The following POTEJ variants were observed in gnomAD, a reference collection of about 807,000 sequenced individuals.
POTEJ encodes the protein POTE ankyrin domain family member J, also known as POTE ankyrin domain family, member J.
Under a neutral mutation model 69.0 loss-of-function variants are expected in POTEJ, and 11 were observed. The ratio of observed to expected loss-of-function variants is 0.16; its 90% CI spans 0.10 to 0.26. POTEJ has a LOEUF of 0.26. POTEJ is among the 10% of genes least tolerant of loss of function. POTEJ has a pLI of 1.00. For synonymous variants in POTEJ, 117 were observed against 381.1 expected (o/e 0.31, Z 8.07); for missense variants, 327 against 1,045.5 (o/e 0.31, Z 9.48).
rs1290395169 is a variant in POTEJ at position 130,657,440 on chromosome 2, G to A, written c.2680G>A (p.Ala894Thr). 4 of 1,599,098 alleles carry A rather than the reference G, an allele frequency of 2.5e-6. No homozygotes were observed. The highest frequency in any genetic ancestry group is 3.4e-6 in the Non-Finnish European group (4 of 1,171,394). The change falls in exon 15 of 15, where the codon GCC (alanine) becomes ACC (threonine). Residue 894 changes from alanine to threonine, a missense_variant. Physicochemically the swap from Ala to Thr is moderately conservative, Grantham distance 58. Transcript: ENST00000409602. ...CTTCGAGCAGGAGATGGCCATGGTG[G>A]CCTCCAGCTCCTCCCTAGAGAAGAG... ...LDFEQEMAMV[A>T]SSSSLEKSYE...
chr2:130,625,106 TA>T (rs1685655465), intron 6 of POTEJ, among the ~76,000 whole-genome samples: 2 of 152,182 alleles, frequency 1.3e-5, no homozygotes, highest in Admixed American at 1.3e-4. Flanking sequence ...ACCTTTAATT[TA>T]GCCATCTATT....
rs1439521039 is a variant in POTEJ at position 130,657,368 on chromosome 2, G to GA, written c.2611dup (p.Ile871AsnfsTer4). 2 of 1,582,366 alleles carry GA rather than the reference G, an allele frequency of 1.3e-6. No homozygotes were observed. Among genetic ancestry groups the GA allele is most frequent in the Non-Finnish European group, 1.7e-6 (2 of 1,157,562 alleles). Reference sequence around the variant, plus strand: ...TAGGTTCACCACCATGGCCGAGCGGGAAATCGTGCGTGACATCAAAGAGAA... The same window carrying GA: ...TAGGTTCACCACCATGGCCGAGCGGGAAAATCGTGCGTGACATCAAAGAGAA... On this transcript the variant is annotated frameshift_variant, in exon 15 of 15. Transcript: ENST00000409602. LOFTEE classifies it high-confidence loss of function.
chr2:130,614,552 A>T (rs1429808544), intron 1 of POTEJ, among the ~76,000 whole-genome samples: 2 of 148,840 alleles, frequency 1.3e-5, no homozygotes, highest in Non-Finnish European at 3.0e-5. Flanking sequence ...GTGAGAAAAA[A>T]ATCAGTTTGT....
At chr2:130,650,115 G>A (rs1375254663) in intron 13 of POTEJ, among the ~76,000 whole-genome samples, 37 of 152,382 alleles carry the variant, frequency 2.4e-4, no homozygotes, top group Admixed American at 4.6e-4. Context: ...GCTCTCTAAC[G>A]TAATTGAGGG....
intron 13 of POTEJ, among the ~76,000 whole-genome samples, chr2:130,648,356 A>G (rs1414247375): frequency 8.5e-5 from 12 of 141,612 alleles, no homozygotes; most frequent in Non-Finnish European, 1.8e-4. Context: ...TCACTTTTCC[A>G]TGACTGTGGA....
chr2:130,625,095 C>T (rs1208292577), intron 6 of POTEJ, among the ~76,000 whole-genome samples: 3 of 152,172 alleles, frequency 2.0e-5, no homozygotes, highest in Admixed American at 6.5e-5. Context: ...TGTATGAGGA[C>T]ACCTTTAATT....
At chr2:130,655,372 A>T (rs940995027) in intron 14 of POTEJ, among the ~76,000 whole-genome samples, 2 of 152,194 alleles carry the variant, frequency 1.3e-5, no homozygotes, top group Admixed American at 6.5e-5. Flanking sequence ...TTAGTTTTTT[A>T]AAAAATGTTA....
rs1433832003 is a variant in POTEJ, at chr2:130,613,304, GTA to G, written c.410+1369_410+1370del. 8.9e-4 allele frequency among the ~76,000 whole-genome samples: 78 copies of G among 87,418 alleles called. 3 individuals are homozygous for G. The highest frequency in any genetic ancestry group is 3.3e-3 in the African/African-American group (74 of 22,216). 57.3% of individuals were successfully genotyped at this position (87,418 alleles called of 152,430 possible). A position where few individuals can be genotyped will look rare whatever the true frequency, so the allele number is the denominator to read the frequency against. ...TGTATATATACATATATATACATAT[GTA>G]TATATACATATATATACATATGTAT... On this transcript the variant is annotated intron_variant, in intron 1 of 14. Coordinates refer to ENST00000409602, the MANE Select transcript of POTEJ (RefSeq NM_001277083.2).
chr2:130,655,323 A>G (rs533607090), intron 14 of POTEJ, among the ~76,000 whole-genome samples: 1 of 152,204 alleles, frequency 6.6e-6, no homozygotes. Context: ...ATCAGAAATA[A>G]GTTTTGCTAC....
chr2:130,637,994 A>G (rs1380625013), intron 9 of POTEJ, among the ~76,000 whole-genome samples: 1 of 147,974 alleles, frequency 6.8e-6, no homozygotes, highest in Non-Finnish European at 1.5e-5. Context: ...CATAGTTGAG[A>G]TGCCCTGAAT....
At chr2:130,655,067 GT>G (rs1686933935) in intron 14 of POTEJ, 26 bp downstream of exon 14, 2 of 587,454 alleles carry the variant, frequency 3.4e-6, no homozygotes, top group South Asian at 2.2e-5. Flanking sequence ...ATTTTCAAAT[GT>G]TTTTATATGT....
intron 9 of POTEJ, among the ~76,000 whole-genome samples, chr2:130,638,205 T>C (rs1201147524): frequency 1.5e-4 from 23 of 150,844 alleles, no homozygotes; most frequent in Non-Finnish European, 2.1e-4. Context: ...TTTAAAAAAA[T>C]GTTATCTTGT....
At chr2:130,611,316 G>A (rs1685199712), upstream of POTEJ, among the ~76,000 whole-genome samples, 1 of 127,282 alleles carries the variant, frequency 7.9e-6, no homozygotes, top group Non-Finnish European at 1.6e-5. Context: ...GGGGGGGTTG[G>A]CCCTTCCTCG....
intron 6 of POTEJ, among the ~76,000 whole-genome samples, chr2:130,624,808 G>C (rs1203317507): frequency 1.3e-5 from 2 of 152,174 alleles, no homozygotes; most frequent in East Asian, 3.8e-4. Flanking sequence ...CACTATTACT[G>C]ACTTCATTCC....
At chr2:130,633,024 G>A (rs1374374107) in intron 9 of POTEJ, among the ~76,000 whole-genome samples, 4 of 146,056 alleles carry the variant, frequency 2.7e-5, no homozygotes, top group Admixed American at 6.7e-5. Flanking sequence ...TTAGTTTTTT[G>A]GTCATCTCCC....
In POTEJ at chr2:130,657,033, G is replaced by A. The variant is rs566028178; in HGVS notation, c.2273G>A (p.Arg758His). Residue 758 changes from arginine (R) to histidine (H), a missense_variant, in exon 15 of 15, where the codon CGT (arginine) becomes CAT (histidine). By Grantham distance (29) the Arg-to-His change is conservative (BLOSUM62 0). Coordinates refer to ENST00000409602, the MANE Select transcript of POTEJ (RefSeq NM_001277083.2). ...CACCACACCTTCTACAACGAGCTGCGTGTGGCCCCCGAGGAGCACCCCATC... is the reference window on the plus strand; with the variant it reads ...CACCACACCTTCTACAACGAGCTGCATGTGGCCCCCGAGGAGCACCCCATC... ...IWHHTFYNELRVAPEEHPILL... is the reference protein window; with the variant it reads ...IWHHTFYNELHVAPEEHPILL... 5.4e-5 allele frequency: 85 copies of A among 1,582,388 alleles called. 5 individuals carry two copies. Among genetic ancestry groups the A allele is most frequent in the South Asian group, 3.6e-4 (33 of 90,778 alleles).
intron 14 of POTEJ, among the ~76,000 whole-genome samples, 158 bp from the exon 15 acceptor site, chr2:130,656,391 T>C: frequency 1.3e-5 from 2 of 149,360 alleles, no homozygotes; most frequent in East Asian, 3.9e-4. Context: ...GAATTTACAC[T>C]CTTATTAGGT....
intron 1 of POTEJ, among the ~76,000 whole-genome samples, chr2:130,612,700 T>A (rs1451934278): frequency 7.4e-6 from 1 of 134,486 alleles, no homozygotes; most frequent in African/African-American, 2.8e-5. Flanking sequence ...GAGGCGGAGC[T>A]TGCAGTGAGC....
At chr2:130,632,898 A>C (rs1288060220) in intron 9 of POTEJ, among the ~76,000 whole-genome samples, 2,864 of 128,550 alleles carry the variant, frequency 0.022, 10 homozygotes, top group Middle Eastern at 0.053. Flanking sequence ...TTTTTAGTGA[A>C]CTTTTCTTTT....
Sources: gnomAD v4.1 joint callset for allele counts (sites outside exome capture counted in the v4.1 genomes callset) on GRCh38, gnomAD v4.1.1 for gene constraint, MANE v1.5 for transcripts, NCBI Gene and HGNC (gene_info 2026-07-23, HGNC 2026-07-21) for gene names.